The following TCF12 variants were observed in gnomAD, a reference collection of about 807,000 sequenced individuals.
The protein encoded by TCF12 is transcription factor 12.
Under a neutral mutation model 86.0 loss-of-function variants are expected in TCF12, and 45 were observed. The ratio of observed to expected loss-of-function variants is 0.52; its 90% CI spans 0.41 to 0.67. TCF12 has a LOEUF of 0.67. Ranked by LOEUF, TCF12 falls within the 30% of genes least tolerant of loss-of-function variation. The pLI, the probability that TCF12 is intolerant of heterozygous loss-of-function variation, is 0.00. For synonymous variants in TCF12, 330 were observed against 299.6 expected (o/e 1.10, Z -1.05); for missense variants, 881 against 859.9 (o/e 1.02, Z -0.31).
At chr15:57,197,852 A>G (rs373981490) in intron 8 of TCF12, 27 bp downstream of exon 8, 1 of 1,610,188 alleles carries the variant, frequency 6.2e-7, no homozygotes, top group African/African-American at 1.3e-5. Flanking sequence ...TTTTAACTTG[A>G]TGGTAAACAA....
chr15:57,212,997 G>C (rs2058178285), intron 8 of TCF12, among the ~76,000 whole-genome samples: 1 of 152,188 alleles, frequency 6.6e-6, no homozygotes, highest in Non-Finnish European at 1.5e-5. Context: ...GCATACACAT[G>C]TGCTACTGCT....
chr15:56,990,176 ATAT>A (rs1433569369), intron 3 of TCF12, among the ~76,000 whole-genome samples: 2 of 105,594 alleles, frequency 1.9e-5, no homozygotes, highest in Non-Finnish European at 4.3e-5. Flanking sequence ...TTTTTGGTAA[ATAT>A]TATACCATTT....
intron 5 of TCF12, among the ~76,000 whole-genome samples, chr15:57,135,100 A>G (rs2052424637): frequency 6.6e-6 from 1 of 152,192 alleles, no homozygotes; most frequent in Admixed American, 6.5e-5. Flanking sequence ...AACATGGAAC[A>G]TTAACTTGAC....
At chr15:56,923,505 G>C (rs1344766719) in intron 3 of TCF12, among the ~76,000 whole-genome samples, 1 of 152,140 alleles carries the variant, frequency 6.6e-6, no homozygotes, top group Non-Finnish European at 1.5e-5. Flanking sequence ...GATAGGCTCT[G>C]TGAAGTGTTC....
intron 8 of TCF12, among the ~76,000 whole-genome samples, chr15:57,215,746 G>A (rs1212351199): frequency 3.3e-5 from 5 of 152,012 alleles, no homozygotes; most frequent in African/African-American, 9.7e-5. Flanking sequence ...TTAGAATTTT[G>A]TGTTACCTTT....
chr15:57,208,254 G>T (rs184351149), intron 8 of TCF12, among the ~76,000 whole-genome samples: 1,728 of 151,572 alleles, frequency 0.011, 37 homozygotes, highest in African/African-American at 0.036. Context: ...GGCTGGTCTT[G>T]AACTCCTGAC....
chr15:57,219,007 A>T, intron 8 of TCF12: 1 of 1,032,868 alleles, frequency 9.7e-7, no homozygotes, highest in Non-Finnish European at 1.2e-6. Context: ...ATTCCTGATT[A>T]CTTGATCATG....
intron 5 of TCF12, among the ~76,000 whole-genome samples, chr15:57,105,377 T>C (rs1216008479): frequency 6.6e-6 from 1 of 152,182 alleles, no homozygotes; most frequent in South Asian, 2.1e-4. Flanking sequence ...TGTGCCTCAT[T>C]GTACCTGCAT....
intron 3 of TCF12, among the ~76,000 whole-genome samples, chr15:56,954,148 T>C (rs1483741822): frequency 6.6e-6 from 1 of 152,140 alleles, no homozygotes; most frequent in African/African-American, 2.4e-5. Flanking sequence ...TTTCATTTCA[T>C]TTTTCTTTAA....
chr15:57,281,500 GAAC>G (rs2061687678), intron 19 of TCF12: 1 of 152,198 alleles, frequency 6.6e-6, no homozygotes, highest in African/African-American at 2.4e-5. Context: ...TGTTACGAAC[GAAC>G]GGGCTGGCTG....
intron 13 of TCF12, among the ~76,000 whole-genome samples, chr15:57,248,536 CAGT>C (rs2059965406): frequency 6.6e-6 from 1 of 152,150 alleles, no homozygotes; most frequent in African/African-American, 2.4e-5. Context: ...TTGTAGTACT[CAGT>C]AGTAATCTTC....
At chr15:57,220,107 T>C (rs1283981107) in intron 8 of TCF12, among the ~76,000 whole-genome samples, 3 of 152,234 alleles carry the variant, frequency 2.0e-5, no homozygotes, top group Admixed American at 6.5e-5. Context: ...GCTTTCATTT[T>C]ATTTTTAAGA....
chr15:57,049,434 C>T (rs373676757), intron 3 of TCF12, among the ~76,000 whole-genome samples: 68 of 152,184 alleles, frequency 4.5e-4, no homozygotes, highest in African/African-American at 1.6e-3. Context: ...AGATTAGTTT[C>T]GTTACTTCTG....
In TCF12 at chr15:57,092,945, A is replaced by T. The variant is rs540728516; in HGVS notation, c.325+1054A>T. On this transcript the variant is annotated intron_variant, in intron 5 of 20. Coordinates refer to ENST00000333725, the MANE Select transcript of TCF12 (RefSeq NM_207037.2). ...ATTTATTTAAAATGATTTGCTTTGC[A>T]CAGTCTTTGTTTCCCTTATTCTCTA... Among the ~76,000 whole-genome samples the T allele has an allele frequency of 7.9e-5, 12 of 152,304 alleles. No homozygotes were observed. In the South Asian group the frequency reaches 1.9e-3, roughly 24 times the overall value.
In TCF12 at chr15:57,018,153, A is replaced by T. The variant is rs142064812; in HGVS notation, c.149-45597A>T. Among the ~76,000 whole-genome samples the T allele has an allele frequency of 1.3e-3, 191 of 152,344 alleles. 1 individual carries two copies. The highest frequency in any genetic ancestry group is 4.3e-3 in the African/African-American group (179 of 41,584). ...ATTGGGGCCAAGCTTGAGGATTGCAACCTGGGAGCATAGATTCAAGTTGCT... is the reference window on the plus strand; with the variant it reads ...ATTGGGGCCAAGCTTGAGGATTGCATCCTGGGAGCATAGATTCAAGTTGCT... On this transcript the variant is annotated intron_variant, in intron 3 of 20. Coordinates refer to ENST00000333725, the MANE Select transcript of TCF12 (RefSeq NM_207037.2).
chr15:56,973,663 G>A (rs1470269922), intron 3 of TCF12, among the ~76,000 whole-genome samples: 1 of 152,104 alleles, frequency 6.6e-6, no homozygotes, highest in East Asian at 1.9e-4. Context: ...AACTACCAAA[G>A]TGAAAGTTTG....
At chr15:56,945,541 T>A (rs1328434325) in intron 3 of TCF12, among the ~76,000 whole-genome samples, 2 of 152,176 alleles carry the variant, frequency 1.3e-5, no homozygotes, top group African/African-American at 4.8e-5. Flanking sequence ...TTGACCTTTT[T>A]TTTTCCTTTT....
intron 4 of TCF12, among the ~76,000 whole-genome samples, chr15:57,069,485 C>G (rs528812286): frequency 1.3e-5 from 2 of 152,120 alleles, no homozygotes; most frequent in African/African-American, 4.8e-5. Context: ...TATCTTTTTG[C>G]TCTTTCTTCC....
chr15:57,061,667 A>G (rs1292466615), intron 3 of TCF12, among the ~76,000 whole-genome samples: 1 of 152,202 alleles, frequency 6.6e-6, no homozygotes, highest in African/African-American at 2.4e-5. Context: ...ATATAAGAAA[A>G]TATGAAGTCA....
Sources: allele counts gnomAD v4.1 joint callset (sites outside exome capture counted in the v4.1 genomes callset), GRCh38; gene constraint gnomAD v4.1.1; transcripts MANE v1.5; gene names NCBI Gene and HGNC (gene_info 2026-07-23, HGNC 2026-07-21).